The following MALRD1 variants were observed in gnomAD, a reference collection of about 807,000 sequenced individuals.
The protein encoded by MALRD1 is MAM and LDL receptor class A domain containing 1.
In MALRD1, 247 loss-of-function variants were observed where a neutral mutation model predicts 242.1. That is an observed-to-expected ratio of 1.02 (90% CI 0.92 to 1.13). MALRD1 has a LOEUF of 1.13. Among genes scored for constraint, MALRD1 ranks in the 50% most tolerant of loss-of-function variants. MALRD1 has a pLI of 0.00. For missense variants in MALRD1, 2,989 were observed against 2,533.1 expected, an observed-to-expected ratio of 1.18 and a Z score of -3.86; for synonymous variants, 995 against 866.6, an observed-to-expected ratio of 1.15 and a Z score of -2.60.
intron 36 of MALRD1, among the ~76,000 whole-genome samples, chr10:19,641,513 TC>T (rs1294122845): frequency 6.6e-6 from 1 of 152,136 alleles, no homozygotes; most frequent in Non-Finnish European, 1.5e-5. Flanking sequence ...AAATGTCTTC[TC>T]CCCAGTACCA....
intron 32 of MALRD1, among the ~76,000 whole-genome samples, chr10:19,548,459 A>G (rs1051162063): frequency 3.3e-5 from 5 of 152,120 alleles, no homozygotes; most frequent in African/African-American, 1.2e-4. Context: ...GCACGCTTCT[A>G]ACTTACCCAT....
chr10:19,082,991 C>G (rs1268571547), intron 2 of MALRD1, among the ~76,000 whole-genome samples: 1 of 152,008 alleles, frequency 6.6e-6, no homozygotes, highest in Non-Finnish European at 1.5e-5. Context: ...TAAGACAGTA[C>G]TATCCTGCTG....
intron 34 of MALRD1, among the ~76,000 whole-genome samples, chr10:19,602,501 C>G (rs1838406776): frequency 6.6e-6 from 1 of 151,800 alleles, no homozygotes. Flanking sequence ...CAGCTTCATC[C>G]ATGTCCCTGC....
intron 2 of MALRD1, among the ~76,000 whole-genome samples, chr10:19,085,339 C>G (rs1835632766): frequency 6.6e-6 from 1 of 151,904 alleles, no homozygotes; most frequent in South Asian, 2.1e-4. Flanking sequence ...ACATCTCCAT[C>G]TGTGAATTAA....
intron 9 of MALRD1, among the ~76,000 whole-genome samples, chr10:19,135,945 G>A (rs1377554155): frequency 6.6e-6 from 1 of 152,160 alleles, no homozygotes; most frequent in African/African-American, 2.4e-5. Flanking sequence ...AATTCAATTG[G>A]TGACAACAAA....
chr10:19,104,782 A>G (rs1036164374), intron 5 of MALRD1, among the ~76,000 whole-genome samples: 1 of 152,114 alleles, frequency 6.6e-6, no homozygotes, highest in African/African-American at 2.4e-5. Flanking sequence ...GTACAAAGAT[A>G]TAGTTGTTGT....
chr10:19,418,775 G>A (rs1013395526), intron 28 of MALRD1, among the ~76,000 whole-genome samples: 1 of 152,118 alleles, frequency 6.6e-6, no homozygotes, highest in African/African-American at 2.4e-5. Context: ...AATTGTGATT[G>A]TCTCTCAGTT....
intron 36 of MALRD1, among the ~76,000 whole-genome samples, chr10:19,667,377 T>A (rs1226937229): frequency 6.6e-6 from 1 of 152,152 alleles, no homozygotes; most frequent in Non-Finnish European, 1.5e-5. Flanking sequence ...AGTGTTTTAG[T>A]CCTTTGGGGC....
At chr10:19,657,049 C>A (rs546661155) in intron 36 of MALRD1, among the ~76,000 whole-genome samples, 61 of 152,104 alleles carry the variant, frequency 4.0e-4, no homozygotes, top group African/African-American at 1.4e-3. Context: ...GTTTTGTATC[C>A]TTCCCTCCAT....
At chr10:19,413,905 C>T (rs562987931) in intron 28 of MALRD1, among the ~76,000 whole-genome samples, 27 of 151,102 alleles carry the variant, frequency 1.8e-4, no homozygotes, top group Non-Finnish European at 2.9e-4. Flanking sequence ...GAGCCGAGAT[C>T]GCACTACTGC....
chr10:19,209,579 T>G lies in MALRD1; in HGVS notation c.2890T>G (p.Trp964Gly). The G allele has an allele frequency of 6.4e-7, 1 of 1,550,934 alleles. No homozygotes were observed. Among genetic ancestry groups the G allele is most frequent in the South Asian group, 1.2e-5 (1 of 84,064 alleles). ...TAGGTTGGCAATCTACCAACGAATC[T>G]GGAGTGACTCAAGGGGACAGCTGCT... ...IYRLAIYQRIWSDSRGQLLWQ... is the reference protein window; with the variant it reads ...IYRLAIYQRIGSDSRGQLLWQ... The change falls in exon 18 of 40, where the codon TGG becomes GGG. Residue 964 changes from tryptophan to glycine, a missense_variant. Trp to Gly is a radical substitution (Grantham distance 184). Coordinates refer to ENST00000454679, the MANE Select transcript of MALRD1 (RefSeq NM_001142308.3).
intron 21 of MALRD1, among the ~76,000 whole-genome samples, chr10:19,283,814 T>C (rs1468715902): frequency 6.6e-6 from 1 of 152,234 alleles, no homozygotes; most frequent in Non-Finnish European, 1.5e-5. Context: ...TTTCACGTTA[T>C]CTCAATATTA....
intron 11 of MALRD1, among the ~76,000 whole-genome samples, chr10:19,151,082 C>T (rs927371422): frequency 2.6e-5 from 4 of 151,976 alleles, no homozygotes; most frequent in African/African-American, 7.2e-5. Flanking sequence ...TCCTATTTTC[C>T]TACCAGCAAG....
At chr10:19,722,807 A>G (rs368744546) in intron 38 of MALRD1, among the ~76,000 whole-genome samples, 1 of 152,158 alleles carries the variant, frequency 6.6e-6, no homozygotes, top group African/African-American at 2.4e-5. Context: ...GCACTCAACT[A>G]TCGGTGGGCA....
intron 38 of MALRD1, among the ~76,000 whole-genome samples, chr10:19,696,992 A>G (rs936468747): frequency 1.3e-5 from 2 of 152,214 alleles, no homozygotes; most frequent in African/African-American, 4.8e-5. Flanking sequence ...GACAACATGA[A>G]CACAAACATG....
chr10:19,351,186 G>C (rs1350525914), intron 25 of MALRD1, among the ~76,000 whole-genome samples: 1 of 152,080 alleles, frequency 6.6e-6, no homozygotes, highest in East Asian at 1.9e-4. Context: ...CCTATGTGCA[G>C]AACAATTTCA....
intron 38 of MALRD1, among the ~76,000 whole-genome samples, chr10:19,702,165 A>G (rs1230653648): frequency 6.6e-6 from 1 of 152,220 alleles, no homozygotes; most frequent in Non-Finnish European, 1.5e-5. Flanking sequence ...TGTCTTAGAT[A>G]TGAACTTAAA....
At chr10:19,608,217 A>G (rs917137580) in intron 35 of MALRD1, among the ~76,000 whole-genome samples, 9 of 152,108 alleles carry the variant, frequency 5.9e-5, no homozygotes, top group Non-Finnish European at 1.5e-5. Flanking sequence ...CTTGGTTTCT[A>G]TAATAAGGAA....
chr10:19,262,422 G>GAGGTGGGCAGATCACCTA (rs1839789488), intron 19 of MALRD1, among the ~76,000 whole-genome samples: 1 of 151,978 alleles, frequency 6.6e-6, no homozygotes, highest in African/African-American at 2.4e-5. Context: ...TTGGGAAGCT[G>GAGGTGGGCAGATCACCTA]AGGTGGGCAG....
Sources: allele counts gnomAD v4.1 joint callset (sites outside exome capture counted in the v4.1 genomes callset), GRCh38; gene constraint gnomAD v4.1.1; transcripts MANE v1.5; gene names NCBI Gene and HGNC (gene_info 2026-07-23, HGNC 2026-07-21).